The following RPH3A variants were observed in gnomAD, a reference collection of about 807,000 sequenced individuals.
The protein encoded by RPH3A is rabphilin 3A, also known as rabphilin-3A.
RPH3A carries 48 observed loss-of-function variants against 102.2 expected under a neutral mutation model. The observed-to-expected ratio is 0.47, with a 90% CI of 0.37 to 0.60. RPH3A has a LOEUF of 0.60. Among genes scored for constraint, RPH3A ranks in the 20% least tolerant of loss-of-function variants. RPH3A has a pLI of 0.00. For synonymous variants in RPH3A, 310 were observed against 324.3 expected, an observed-to-expected ratio of 0.96 and a Z score of 0.47; for missense variants, 781 against 910.1, an observed-to-expected ratio of 0.86 and a Z score of 1.83.
At chr12:112,652,689 A>G (rs1289714032) in intron 1 of RPH3A, among the ~76,000 whole-genome samples, 2 of 152,064 alleles carry the variant, frequency 1.3e-5, no homozygotes, top group East Asian at 3.9e-4. Context: ...CATTCATTTA[A>G]TTACTCATTC....
rs533621060 is a variant in RPH3A, at chr12:112,761,543, G to A, written c.-139-30600G>A. Among the ~76,000 whole-genome samples the A allele has an allele frequency of 5.3e-5, 8 of 152,356 alleles. 1 individual carries two copies. The highest frequency in any genetic ancestry group is 1.9e-4 in the East Asian group (1 of 5,184). ...ACAGAATCATGGAAAAAGTGATGCCGTCCAGGAAAGACTGGGAGTGGGGAG... is the reference window on the plus strand; with the variant it reads ...ACAGAATCATGGAAAAAGTGATGCCATCCAGGAAAGACTGGGAGTGGGGAG... On this transcript the variant is annotated intron_variant, in intron 1 of 21. Transcript: ENST00000543106.
At chr12:112,608,581 A>G (rs2039616080) in intron 1 of RPH3A, among the ~76,000 whole-genome samples, 1 of 152,168 alleles carries the variant, frequency 6.6e-6, no homozygotes, top group Admixed American at 6.5e-5. Flanking sequence ...TGTTGTCTTG[A>G]GATATTTGGG....
At position 112,691,855 on chromosome 12, in the gene RPH3A, A is replaced by G. The variant is rs141120862; in HGVS notation, c.-139-100288A>G. On this transcript the variant is annotated intron_variant, in intron 1 of 21. Coordinates refer to the RPH3A transcript ENST00000543106. Reference sequence around the variant, plus strand: ...TTCTCAAAATGATTTTAATTGCTGGACACCATCATTCCATTTTACAGATGA... The same window carrying G: ...TTCTCAAAATGATTTTAATTGCTGGGCACCATCATTCCATTTTACAGATGA... Among the ~76,000 whole-genome samples the G allele has an allele frequency of 2.1e-3, 320 of 152,360 alleles. 1 individual carries two copies. The South Asian group carries it at 0.032, about 15-fold the overall frequency.
chr12:112,878,950 A>G (rs1404497002), intron 13 of RPH3A, among the ~76,000 whole-genome samples, 169 bp from the exon 14 acceptor site: 3 of 152,240 alleles, frequency 2.0e-5, no homozygotes, highest in African/African-American at 4.8e-5. Context: ...TGAGTGCTCT[A>G]AGGTAGTGCA....
chr12:112,786,563 G>A (rs2041053426), intron 1 of RPH3A, among the ~76,000 whole-genome samples: 1 of 152,188 alleles, frequency 6.6e-6, no homozygotes, highest in African/African-American at 2.4e-5. Flanking sequence ...GAGTGAGGAA[G>A]GCATGGACGC....
intron 1 of RPH3A, among the ~76,000 whole-genome samples, chr12:112,783,218 T>C (rs1405069134): frequency 6.6e-6 from 1 of 152,132 alleles, no homozygotes; most frequent in African/African-American, 2.4e-5. Context: ...AGAAATCTCC[T>C]TGGAGGAGAG....
At chr12:112,773,444 G>GT (rs529562757) in intron 1 of RPH3A, among the ~76,000 whole-genome samples, 27 of 150,284 alleles carry the variant, frequency 1.8e-4, no homozygotes, top group African/African-American at 5.1e-4. Context: ...GAATTTATTT[G>GT]TTTTTTTTTC....
intron 1 of RPH3A, among the ~76,000 whole-genome samples, chr12:112,735,009 G>T (rs2040659450): frequency 6.6e-6 from 1 of 152,152 alleles, no homozygotes. Flanking sequence ...TGGGAGTGCA[G>T]CTTAGTAGGT....
chr12:112,653,642 C>A (rs937104801), intron 1 of RPH3A, among the ~76,000 whole-genome samples: 3 of 151,864 alleles, frequency 2.0e-5, no homozygotes, highest in Non-Finnish European at 4.4e-5. Context: ...TAAAAAAACC[C>A]TTTTATTTTA....
chr12:112,777,163 A>G (rs925924295), intron 1 of RPH3A, among the ~76,000 whole-genome samples: 1 of 152,198 alleles, frequency 6.6e-6, no homozygotes, highest in Admixed American at 6.5e-5. Context: ...CCTACTTCTT[A>G]GAGTTATTGT....
intron 1 of RPH3A, among the ~76,000 whole-genome samples, chr12:112,689,292 C>G (rs1353116483): frequency 6.6e-6 from 1 of 152,182 alleles, no homozygotes; most frequent in Non-Finnish European, 1.5e-5. Flanking sequence ...TACTTAGCCA[C>G]AAGTTGAGGT....
At chr12:112,767,520 A>C (rs1197839366) in intron 1 of RPH3A, among the ~76,000 whole-genome samples, 1 of 152,188 alleles carries the variant, frequency 6.6e-6, no homozygotes, top group Non-Finnish European at 1.5e-5. Flanking sequence ...CCGTTTCCCC[A>C]GTCCAGTGAG....
rs746242111 is a variant in RPH3A, at chr12:112,881,820, C to T, written c.1300C>T (p.Leu434=). ...SNGLADPYVK[L]HLLPGASKSN... is the part of the protein sequence containing the mutation. ...CGGCTTGGCTGATCCCTACGTTAAG[C>T]TGCACCTCCTGCCGGGAGCCAGCAA... Residue 434 remains leucine, a synonymous_variant, in exon 15 of 22, where the codon CTG becomes TTG. Coordinates refer to ENST00000389385, the MANE Select transcript of RPH3A (RefSeq NM_001143854.2). The T allele has an allele frequency of 3.2e-5, 52 of 1,612,342 alleles. No individual in the cohort carries two copies. Among genetic ancestry groups the T allele is most frequent in the Non-Finnish European group, 4.3e-5 (51 of 1,178,968 alleles).
chr12:112,656,848 C>G (rs1181502194), intron 1 of RPH3A, among the ~76,000 whole-genome samples: 1 of 151,538 alleles, frequency 6.6e-6, no homozygotes, highest in African/African-American at 2.4e-5. Context: ...ATCCAATTAT[C>G]CATTGATGGA....
intron 1 of RPH3A, among the ~76,000 whole-genome samples, chr12:112,767,123 C>T (rs373110722): frequency 1.3e-5 from 2 of 152,158 alleles, no homozygotes; most frequent in African/African-American, 4.8e-5. Flanking sequence ...AAGACAGGGG[C>T]CCCACAGCTT....
chr12:112,577,102 C>G (rs2039366025), intron 1 of RPH3A, among the ~76,000 whole-genome samples: 1 of 151,766 alleles, frequency 6.6e-6, no homozygotes, highest in Non-Finnish European at 1.5e-5. Flanking sequence ...AAGAGAGGGT[C>G]CTTGGATCTC....
intron 14 of RPH3A, 140 bp from the exon 15 acceptor site, chr12:112,881,632 C>T (rs779158514): frequency 3.5e-5 from 20 of 567,540 alleles, no homozygotes; most frequent in Non-Finnish European, 5.6e-5. Context: ...TACTGCATTT[C>T]CCTTCTCTCT....
At chr12:112,869,706 T>G in intron 8 of RPH3A, 53 bp from the exon 9 acceptor site, 1 of 1,589,440 alleles carries the variant, frequency 6.3e-7, no homozygotes, top group Non-Finnish European at 8.6e-7. Context: ...AGTACCGGTT[T>G]TCCAGACACC....
At chr12:112,763,040 G>GATGGCAAACGCTTTTCATCCTCT (rs1293269495) in intron 1 of RPH3A, among the ~76,000 whole-genome samples, 5 of 152,246 alleles carry the variant, frequency 3.3e-5, no homozygotes, top group African/African-American at 1.2e-4. Flanking sequence ...GCTCCACACA[G>GATGGCAAACGCTTTTCATCCTCT]ATGGCAAACG....
Sources: gnomAD v4.1 joint callset for allele counts (sites outside exome capture counted in the v4.1 genomes callset) on GRCh38, gnomAD v4.1.1 for gene constraint, MANE v1.5 for transcripts, NCBI Gene and HGNC (gene_info 2026-07-23, HGNC 2026-07-21) for gene names.